Variants in RANBP17 observed in about 807,000 individuals in gnomAD.
RANBP17 encodes the protein ran-binding protein 17.
A neutral mutation model predicts 141.2 loss-of-function variants in RANBP17; 158 were observed. The ratio of observed to expected loss-of-function variants is 1.12; its 90% CI spans 0.98 to 1.28. RANBP17 has a LOEUF of 1.28. Ranked by LOEUF, RANBP17 falls within the 50% of genes most tolerant of loss-of-function variation. The pLI is 0.00. For synonymous variants in RANBP17, 430 were observed against 450.0 expected (o/e 0.96, Z 0.56); for missense variants, 1,438 against 1,290.7 (o/e 1.11, Z -1.75).
At chr5:171,156,116 T>A (rs1247822365) in intron 14 of RANBP17, among the ~76,000 whole-genome samples, 1 of 152,102 alleles carries the variant, frequency 6.6e-6, no homozygotes, top group African/African-American at 2.4e-5. Flanking sequence ...AAAAGAAAGA[T>A]TATAAGCGGA....
At chr5:170,985,523 C>T (rs1449206347) in intron 14 of RANBP17, among the ~76,000 whole-genome samples, 1 of 152,098 alleles carries the variant, frequency 6.6e-6, no homozygotes, top group Non-Finnish European at 1.5e-5. Flanking sequence ...AATTTTTGCT[C>T]TCATTCTTCA....
chr5:171,087,893 A>C (rs1350490336), intron 14 of RANBP17, among the ~76,000 whole-genome samples: 1 of 152,138 alleles, frequency 6.6e-6, no homozygotes, highest in Non-Finnish European at 1.5e-5. Context: ...AATACAGCAC[A>C]CTGATGGATC....
intron 12 of RANBP17, among the ~76,000 whole-genome samples, chr5:170,946,800 A>T (rs754446133): frequency 2.0e-5 from 3 of 152,188 alleles, no homozygotes; most frequent in Non-Finnish European, 4.4e-5. Flanking sequence ...GGAACACTGC[A>T]TAGCATTTCA....
chr5:171,023,799 C>G (rs1168954171), intron 14 of RANBP17, among the ~76,000 whole-genome samples: 1 of 152,164 alleles, frequency 6.6e-6, no homozygotes, highest in African/African-American at 2.4e-5. Context: ...AGTGAAATTT[C>G]TGTACTTTAC....
At chr5:171,214,144 C>T (rs1451855391) in intron 21 of RANBP17, among the ~76,000 whole-genome samples, 2 of 152,190 alleles carry the variant, frequency 1.3e-5, no homozygotes, top group Admixed American at 6.5e-5. Flanking sequence ...AACTGGTTCT[C>T]ACAGCAATTC....
intron 14 of RANBP17, among the ~76,000 whole-genome samples, chr5:171,023,869 A>T (rs890108112): frequency 6.6e-6 from 1 of 152,178 alleles, no homozygotes; most frequent in Non-Finnish European, 1.5e-5. Context: ...TGTCTCATAC[A>T]TTCTAGTCCT....
intron 22 of RANBP17, among the ~76,000 whole-genome samples, chr5:171,233,868 C>T (rs553025460): frequency 2.6e-5 from 4 of 152,236 alleles, no homozygotes; most frequent in East Asian, 1.9e-4. Context: ...CAACAGTGAA[C>T]GCTGATGTAA....
intron 14 of RANBP17, among the ~76,000 whole-genome samples, chr5:171,011,812 C>T (rs888746732): frequency 1.3e-5 from 2 of 151,728 alleles, no homozygotes; most frequent in Non-Finnish European, 2.9e-5. Flanking sequence ...AGTTGTTTCT[C>T]GTTTGTCCCA....
intron 7 of RANBP17, 182 bp downstream of exon 7, chr5:170,911,316 A>T: frequency 1.7e-6 from 1 of 604,280 alleles, no homozygotes; most frequent in Non-Finnish European, 2.9e-6. Flanking sequence ...TATTATAGTA[A>T]CTTCTATATT....
At chr5:171,053,639 T>C (rs1050060215) in intron 14 of RANBP17, among the ~76,000 whole-genome samples, 1 of 152,066 alleles carries the variant, frequency 6.6e-6, no homozygotes, top group African/African-American at 2.4e-5. Context: ...GTAGATTTTC[T>C]ATATATAGAA....
intron 16 of RANBP17, among the ~76,000 whole-genome samples, chr5:171,181,488 A>C (rs1760858395): frequency 6.6e-6 from 1 of 151,990 alleles, no homozygotes; most frequent in Non-Finnish European, 1.5e-5. Flanking sequence ...TGCACTGAGC[A>C]CCTGCTGAGA....
At position 171,299,904 on chromosome 5, in the gene RANBP17, T is replaced by C; in HGVS notation, c.*1046T>C. On this transcript the variant is annotated 3_prime_UTR_variant, in exon 28 of 28. Coordinates refer to ENST00000523189, the MANE Select transcript of RANBP17 (RefSeq NM_022897.5). ...AGTGTTTTACTATCTCACTGCTGTT[T>C]TTATGATTCAGGCTTATAACAAATA... 4.8e-6 allele frequency: 1 copy of C among 208,960 alleles called. No individual in the cohort carries two copies. Among genetic ancestry groups the C allele is most frequent in the Non-Finnish European group, 9.7e-6 (1 of 102,632 alleles). The allele number at this position is 208,960 out of a possible 1,614,324, so 12.9% of individuals were successfully genotyped here.
Position 170,866,533 on chromosome 5 carries a change from G to A in RANBP17, c.18+4482G>A, listed in dbSNP as rs372569974. The stretch of plus-strand genomic sequence containing the variant: ...TACTAAAAATACACAAAATTAGCTG[G>A]GCGTGGTGGCGGGTGCCTGTATTCC... On this transcript the variant is annotated intron_variant, in intron 1 of 27. Coordinates refer to ENST00000523189, the MANE Select transcript of RANBP17 (RefSeq NM_022897.5). 4.7e-4 allele frequency among the ~76,000 whole-genome samples: 72 copies of A among 152,234 alleles called. 1 individual carries two copies. The South Asian group carries it at 0.015, about 31-fold the overall frequency.
At chr5:171,282,518 G>T (rs1184917373) in intron 25 of RANBP17, among the ~76,000 whole-genome samples, 1 of 151,996 alleles carries the variant, frequency 6.6e-6, no homozygotes. Context: ...GTTTTCTGTC[G>T]CCCAGGCTGG....
chr5:170,967,149 A>T (rs1011294552), intron 13 of RANBP17, among the ~76,000 whole-genome samples: 1 of 152,130 alleles, frequency 6.6e-6, no homozygotes, highest in Non-Finnish European at 1.5e-5. Flanking sequence ...AAAGAGCTCT[A>T]AGATTCATTG....
intron 25 of RANBP17, among the ~76,000 whole-genome samples, chr5:171,283,156 G>T (rs1421777111): frequency 6.6e-6 from 1 of 152,172 alleles, no homozygotes; most frequent in Non-Finnish European, 1.5e-5. Flanking sequence ...CCTAGGCAGG[G>T]TTAGCCTCCT....
Position 170,892,569 on chromosome 5 carries a change from T to C in RANBP17, c.423+16T>C, listed in dbSNP as rs1261778046. On this transcript the variant is annotated intron_variant, in intron 4 of 27. Transcript: ENST00000523189. The stretch of plus-strand genomic sequence containing the variant: ...GTTTCTCCAGGTAAGAAGTCATTGC[T>C]ACATGGTTAGAACATCACTACTTGC... The C allele has an allele frequency of 1.9e-6, 3 of 1,608,568 alleles. No individual in the cohort carries two copies. The Admixed American group carries it at 5.0e-5, about 27-fold the overall frequency.
At position 171,005,894 on chromosome 5, in the gene RANBP17, A is replaced by G. The variant is rs1454992114; in HGVS notation, c.1710+37517A>G. Among the ~76,000 whole-genome samples, 3 of 152,344 alleles carry G rather than the reference A, an allele frequency of 2.0e-5. No individual in the cohort carries two copies. In the East Asian group the frequency reaches 5.8e-4, roughly 29 times the overall value. On this transcript the variant is annotated intron_variant, in intron 14 of 27. Coordinates refer to ENST00000523189, the MANE Select transcript of RANBP17 (RefSeq NM_022897.5). ...ATCTACAATGAACTCAAACAAATTT[A>G]CAAGAAAAAAAACAAACAACCCCAT...
intron 14 of RANBP17, among the ~76,000 whole-genome samples, chr5:170,980,018 C>G (rs1311520042): frequency 6.6e-6 from 1 of 152,112 alleles, no homozygotes; most frequent in Non-Finnish European, 1.5e-5. Flanking sequence ...CAGTGAAATC[C>G]AGGCTGATGT....
Sources: allele counts gnomAD v4.1 joint callset (sites outside exome capture counted in the v4.1 genomes callset), GRCh38; gene constraint gnomAD v4.1.1; transcripts MANE v1.5; gene names NCBI Gene and HGNC (gene_info 2026-07-23, HGNC 2026-07-21).